PTPRG: variants seen among roughly 807,000 people sequenced by gnomAD.
PTPRG encodes receptor-type tyrosine-protein phosphatase gamma.
A neutral mutation model predicts 165.3 loss-of-function variants in PTPRG; 102 were observed. The ratio of observed to expected loss-of-function variants is 0.62; its 90% CI spans 0.53 to 0.73. The LOEUF is 0.73. Ranked by LOEUF, PTPRG falls within the 30% of genes least tolerant of loss-of-function variation. The probability of loss-of-function intolerance (pLI) is 0.00; values close to 1 mark genes in which losing one functional copy is unlikely to be tolerated. For missense variants in PTPRG, 1,866 were observed against 1,861.4 expected, an observed-to-expected ratio of 1.00 and a Z score of -0.05; for synonymous variants, 675 against 669.5, an observed-to-expected ratio of 1.01 and a Z score of -0.13.
Position 61,606,753 on chromosome 3 carries a change from G to A in PTPRG, c.85+44381G>A, listed in dbSNP as rs192408165. 5.9e-5 allele frequency among the ~76,000 whole-genome samples: 9 copies of A among 152,276 alleles called. No homozygotes were observed. The East Asian group carries it at 1.7e-3, about 29-fold the overall frequency. ...GGAAGGAAGAAAGGCAGCTTTCCTG[G>A]AGGCGCTGTGGGTCCTCTTTTATAA... On this transcript the variant is annotated intron_variant, in intron 1 of 29. Transcript: ENST00000474889.
intron 1 of PTPRG, among the ~76,000 whole-genome samples, chr3:61,568,504 G>A (rs28393212): frequency 0.42 from 63,371 of 152,006 alleles, 13,407 homozygotes; most frequent in East Asian, 0.61. Context: ...TATCATTTGT[G>A]GCAAGATATT....
rs185811443 is a variant in PTPRG, at chr3:61,988,664, G to T, written c.191-961G>T. Among the ~76,000 whole-genome samples the T allele has an allele frequency of 1.8e-4, 27 of 152,194 alleles. No individual in the cohort carries two copies. In the East Asian group the frequency reaches 3.3e-3, roughly 18 times the overall value. ...TGTTTTACTTGCTAAAAATTGTGAA[G>T]TTTTTTTCTTATCTAATTCTCAATA... On this transcript the variant is annotated intron_variant, in intron 2 of 29. Coordinates refer to ENST00000474889, the MANE Select transcript of PTPRG (RefSeq NM_002841.4).
chr3:61,764,975 A>T (rs2033968886), intron 2 of PTPRG, among the ~76,000 whole-genome samples: 2 of 152,214 alleles, frequency 1.3e-5, no homozygotes, highest in Non-Finnish European at 2.9e-5. Flanking sequence ...CCCACAATAA[A>T]GAATTATCTG....
At chr3:61,608,436 C>T (rs544615388) in intron 1 of PTPRG, among the ~76,000 whole-genome samples, 12 of 152,238 alleles carry the variant, frequency 7.9e-5, no homozygotes, top group Non-Finnish European at 1.5e-4. Flanking sequence ...TGGGCCCTTC[C>T]GTGGAGAGCT....
chr3:61,835,327 G>C (rs759223628), intron 2 of PTPRG, among the ~76,000 whole-genome samples: 5 of 152,088 alleles, frequency 3.3e-5, no homozygotes, highest in Non-Finnish European at 7.4e-5. Context: ...AAATGTGGAA[G>C]TCAATTTCCT....
intron 2 of PTPRG, among the ~76,000 whole-genome samples, chr3:61,941,232 C>T (rs1026144549): frequency 1.8e-4 from 28 of 152,246 alleles, no homozygotes; most frequent in African/African-American, 6.8e-4. Flanking sequence ...CATGCTTCAT[C>T]CATGTAAAGG....
At chr3:62,202,516 C>G (rs1700117595) in intron 11 of PTPRG, among the ~76,000 whole-genome samples, 1 of 152,154 alleles carries the variant, frequency 6.6e-6, no homozygotes, top group Non-Finnish European at 1.5e-5. Flanking sequence ...TCAGATTTTC[C>G]CACGGATCAA....
chr3:62,004,645 C>T (rs1473134305), intron 4 of PTPRG, among the ~76,000 whole-genome samples: 1 of 152,178 alleles, frequency 6.6e-6, no homozygotes, highest in East Asian at 1.9e-4. Flanking sequence ...CTTGGCGATG[C>T]TTGTGATCTC....
chr3:61,947,324 G>A (rs1038524166), intron 2 of PTPRG, among the ~76,000 whole-genome samples: 7 of 152,142 alleles, frequency 4.6e-5, no homozygotes, highest in Admixed American at 3.3e-4. Flanking sequence ...GTAAAGGATG[G>A]TACTTAATTT....
In PTPRG at chr3:62,210,166, G is replaced by C. The variant is rs1194149873; in HGVS notation, c.2155+6216G>C. ...AATGGTAAGGGAGCACTTATTCACA[G>C]GAACTCTTGGCAGTGATATAAATGG... On this transcript the variant is annotated intron_variant, in intron 12 of 29. Coordinates refer to ENST00000474889, the MANE Select transcript of PTPRG (RefSeq NM_002841.4). This position sits in a 1 kb window ranked among gnomAD's most constrained non-coding sequence, Gnocchi z 4.1. Among the ~76,000 whole-genome samples, 1 of 152,198 alleles carries C rather than the reference G, an allele frequency of 6.6e-6. No homozygotes were observed. Among genetic ancestry groups the C allele is most frequent in the Admixed American group, 6.5e-5 (1 of 15,268 alleles).
At chr3:61,649,580 A>G (rs535214072) in intron 1 of PTPRG, among the ~76,000 whole-genome samples, 22 of 152,294 alleles carry the variant, frequency 1.4e-4, no homozygotes, top group African/African-American at 3.6e-4. Context: ...TCATGGCCTA[A>G]TTGCCTCGTA....
intron 8 of PTPRG, among the ~76,000 whole-genome samples, chr3:62,176,631 A>G (rs891172501): frequency 2.0e-5 from 3 of 151,948 alleles, no homozygotes; most frequent in Non-Finnish European, 4.4e-5. Context: ...CTTGGCTTTT[A>G]TCTATTTTGT....
At chr3:61,994,872 C>T (rs1278104430) in intron 3 of PTPRG, among the ~76,000 whole-genome samples, 1 of 152,104 alleles carries the variant, frequency 6.6e-6, no homozygotes, top group African/African-American at 2.4e-5. Context: ...GTAACTACCC[C>T]TCCCCAAGGT....
intron 26 of PTPRG, among the ~76,000 whole-genome samples, chr3:62,279,205 C>A (rs2148884907): frequency 6.6e-6 from 1 of 152,070 alleles, no homozygotes; most frequent in South Asian, 2.1e-4. Context: ...GTAAGGAGCC[C>A]AAAAGTCACT....
chr3:61,676,420 G>C (rs1357250790), intron 1 of PTPRG, among the ~76,000 whole-genome samples: 1 of 110,012 alleles, frequency 9.1e-6, no homozygotes, highest in Non-Finnish European at 1.8e-5. Context: ...TTGCACCACT[G>C]CACTCCAGCC....
chr3:62,134,783 A>G lies in PTPRG; in HGVS notation c.682+2115A>G, dbSNP rs76910678. 2.0e-3 allele frequency among the ~76,000 whole-genome samples: 298 copies of G among 152,350 alleles called. 2 individuals carry two copies. Among genetic ancestry groups the G allele is most frequent in the African/African-American group, 6.7e-3 (280 of 41,582 alleles). ...TGTGTCCAGCAAATAGTAGGTACTCAGTATGTTAGTCAAATGACTGAATCA... is the reference window on the plus strand; with the variant it reads ...TGTGTCCAGCAAATAGTAGGTACTCGGTATGTTAGTCAAATGACTGAATCA... On this transcript the variant is annotated intron_variant, in intron 6 of 29. Transcript: ENST00000474889.
rs57568005 is a variant in PTPRG at position 61,936,921 on chromosome 3, T to C, written c.191-52704T>C. Among the ~76,000 whole-genome samples, 1,414 of 152,306 alleles carry C rather than the reference T, an allele frequency of 9.3e-3. 26 individuals are homozygous for C. Among genetic ancestry groups the C allele is most frequent in the African/African-American group, 0.032 (1,319 of 41,560 alleles). ...GGATGTTTGGCTTAGAAGCAGAACT[T>C]GATCCTTGAAGAAGTTCACACAAGT... On this transcript the variant is annotated intron_variant, in intron 2 of 29. Transcript: ENST00000474889.
intron 8 of PTPRG, among the ~76,000 whole-genome samples, chr3:62,186,970 T>C (rs751747668): frequency 6.6e-6 from 1 of 152,188 alleles, no homozygotes; most frequent in Non-Finnish European, 1.5e-5. Flanking sequence ...AAGGGGAACA[T>C]GTCACACAGG....
At chr3:61,855,983 T>C (rs2037096423) in intron 2 of PTPRG, among the ~76,000 whole-genome samples, 1 of 152,088 alleles carries the variant, frequency 6.6e-6, no homozygotes, top group South Asian at 2.1e-4. Context: ...ATTTTACTTC[T>C]TCCTATTTCC....
Sources: allele counts gnomAD v4.1 joint callset (sites outside exome capture counted in the v4.1 genomes callset), GRCh38; gene constraint gnomAD v4.1.1; non-coding constraint Gnocchi (gnomAD v3.1); transcripts MANE v1.5; gene names NCBI Gene and HGNC (gene_info 2026-07-23, HGNC 2026-07-21).